Variants in NT5DC4 observed in about 807,000 individuals in gnomAD.
NT5DC4 encodes 5'-nucleotidase domain-containing protein 4.
In NT5DC4, 44 loss-of-function variants were observed where a neutral mutation model predicts 26.6. That is an observed-to-expected ratio of 1.65 (90% confidence interval 1.30 to 2.13). The LOEUF (loss-of-function observed/expected upper bound fraction) is 2.13, where lower values mean the gene tolerates loss of function less well. Among genes scored for constraint, NT5DC4 ranks in the 30% most tolerant of loss-of-function variants. The probability of loss-of-function intolerance (pLI) is 0.00; values close to 1 mark genes in which losing one functional copy is unlikely to be tolerated. For synonymous variants in NT5DC4, 157 were observed against 86.7 expected (o/e 1.81, Z -4.51); for missense variants, 399 against 228.1 (o/e 1.75, Z -4.83).
chr2:112,731,065 C>T (rs1678430576), intron 16 of NT5DC4: 1 of 152,036 alleles, frequency 6.6e-6, no homozygotes, highest in African/African-American at 2.4e-5. Flanking sequence ...TAGTCACTTT[C>T]TGTGTTTCTT....
intron 15 of NT5DC4, chr2:112,726,956 C>G: frequency 1.7e-6 from 1 of 585,246 alleles, no homozygotes; most frequent in Non-Finnish European, 3.1e-6. Flanking sequence ...TGAGTTGAGC[C>G]TGATTTGCAG....
chr2:112,724,144 G>A lies in NT5DC4; in HGVS notation c.789+18G>A. 1.4e-6 allele frequency: 1 copy of A among 716,838 alleles called. No homozygotes were observed. The highest frequency in any genetic ancestry group is 2.6e-6 in the Non-Finnish European group (1 of 384,928). The allele number at this position is 716,838 out of a possible 1,614,324, so 44.4% of individuals were successfully genotyped here. A position where few individuals can be genotyped will look rare whatever the true frequency, so the allele number is the denominator to read the frequency against. ...TCAGTGAGGTGAGTGTTGGAGTGTT[G>A]CGTGCACGGCTGGGGTGGGCTGTGC... On this transcript the variant is annotated intron_variant, in intron 10 of 16. Transcript: ENST00000688554.
chr2:112,721,355 C>T, intron 1 of NT5DC4: 1 of 658,220 alleles, frequency 1.5e-6, no homozygotes, highest in Admixed American at 2.1e-5. Context: ...GGCGGGAGGT[C>T]CTCTTCACTT....
rs567050604 is a variant in NT5DC4 at position 112,729,488 on chromosome 2, G to A, written c.1267-139G>A. On this transcript the variant is annotated intron_variant, in intron 15 of 16. Coordinates refer to ENST00000688554, the MANE Select transcript of NT5DC4 (RefSeq NM_001393655.1). The stretch of plus-strand genomic sequence containing the variant: ...ACCTTCCTGCCCCTGCTGACCTTCC[G>A]AGGTTCCTTCCTCTGCAGCAACATC... 2.3e-4 allele frequency: 144 copies of A among 634,232 alleles called. No homozygotes were observed. In the South Asian group the frequency reaches 2.3e-3, roughly 10 times the overall value. The allele number at this position is 634,232 out of a possible 1,614,324, so 39.3% of individuals were successfully genotyped here. A position where few individuals can be genotyped will look rare whatever the true frequency, so the allele number is the denominator to read the frequency against.
downstream of NT5DC4, among the ~76,000 whole-genome samples, chr2:112,741,248 G>A (rs1432592732): frequency 1.3e-5 from 2 of 151,966 alleles, no homozygotes; most frequent in Non-Finnish European, 2.9e-5. Flanking sequence ...GCTGTACGTA[G>A]ATTCTTGACA....
intron 15 of NT5DC4, 37 bp from the exon 16 acceptor site, chr2:112,729,590 C>T (rs752923786): frequency 4.2e-5 from 30 of 717,248 alleles, no homozygotes; most frequent in Middle Eastern, 2.3e-4. Context: ...GTACCCGGGA[C>T]GGAGTGCTTC....
At chr2:112,720,942 G>C (rs72950349), upstream of NT5DC4, among the ~76,000 whole-genome samples, 2,934 of 152,350 alleles carry the variant, frequency 0.019, 90 homozygotes, top group African/African-American at 0.067. Context: ...GGGCTCGGGG[G>C]AGATGGGAGC....
chr2:112,740,016 G>A (rs1003637846), downstream of NT5DC4, among the ~76,000 whole-genome samples: 9 of 152,078 alleles, frequency 5.9e-5, no homozygotes, highest in Non-Finnish European at 1.3e-4. Flanking sequence ...GTGCAATGGT[G>A]CAATCTTGGC....
chr2:112,726,556 G>A, intron 14 of NT5DC4, 122 bp from the exon 15 acceptor site: 1 of 698,166 alleles, frequency 1.4e-6, no homozygotes, highest in Non-Finnish European at 2.7e-6. Flanking sequence ...ACCCAGCCCG[G>A]CACCCCCACT....
At chr2:112,722,348 A>G in intron 4 of NT5DC4, 70 bp downstream of exon 4, 1 of 707,504 alleles carries the variant, frequency 1.4e-6, no homozygotes, top group South Asian at 1.5e-5. Flanking sequence ...GGGAGGACAG[A>G]GGGAGGGAGG....
At chr2:112,734,169 A>ATATGTGTGTGTGTGTGTGTGTGTGTG (rs150412692) in intron 16 of NT5DC4, among the ~76,000 whole-genome samples, 35 of 134,862 alleles carry the variant, frequency 2.6e-4, no homozygotes, top group African/African-American at 5.7e-4. Flanking sequence ...TATTATATAT[A>ATATGTGTGTGTGTGTGTGTGTGTGTG]TGTGTGTGTG....
intron 16 of NT5DC4, among the ~76,000 whole-genome samples, chr2:112,734,169 A>ATATGTGTGTGTGTGTG (rs150412692): frequency 0.014 from 1,882 of 134,814 alleles, 19 homozygotes; most frequent in African/African-American, 0.023. Context: ...TATTATATAT[A>ATATGTGTGTGTGTGTG]TGTGTGTGTG....
rs1300545026 is a variant in NT5DC4, at chr2:112,721,984, A to C, written c.149-2A>C. ...GCCCTGATTCTGTCCGGGCCTCTGCAGCCTACAAGTCCCCAGCTTATGAGG... is the reference window on the plus strand; with the variant it reads ...GCCCTGATTCTGTCCGGGCCTCTGCCGCCTACAAGTCCCCAGCTTATGAGG... On this transcript the variant is annotated splice_acceptor_variant, in intron 2 of 16. Coordinates refer to ENST00000688554, the MANE Select transcript of NT5DC4 (RefSeq NM_001393655.1). LOFTEE classifies it high-confidence loss of function. The C allele has an allele frequency of 1.4e-6, 1 of 717,278 alleles. No individual in the cohort carries two copies. Among genetic ancestry groups the C allele is most frequent in the East Asian group, 2.7e-5 (1 of 37,288 alleles). 44.4% of individuals were successfully genotyped at this position (717,278 alleles called of 1,614,324 possible). A position where few individuals can be genotyped will look rare whatever the true frequency, so the allele number is the denominator to read the frequency against.
chr2:112,738,271 C>T (rs1679513543), intron 16 of NT5DC4: 2 of 152,558 alleles, frequency 1.3e-5, no homozygotes, highest in African/African-American at 4.8e-5. Flanking sequence ...AATTCTCTCT[C>T]ATTTACAAGG....
intron 11 of NT5DC4, 97 bp from the exon 12 acceptor site, chr2:112,725,077 T>A (rs1677522821): frequency 1.5e-6 from 1 of 657,396 alleles, no homozygotes; most frequent in African/African-American, 1.8e-5. Flanking sequence ...ACACCCCCCA[T>A]GGTTACCTCT....
At position 112,723,394 on chromosome 2, in the gene NT5DC4, C is replaced by CACACACACACACACACACAG. The variant is rs752115339; in HGVS notation, c.622-23_622-22insCACACACACACACACACAGA. ...ACACACACACACACACACACACACACAGGCACTTTGCTCCCTCCTGCAGGG... is the reference window on the plus strand; with the variant it reads ...ACACACACACACACACACACACACACACACACACACACACACACAGAGGCACTTTGCTCCCTCCTGCAGGG... On this transcript the variant is annotated intron_variant, in intron 7 of 16. Transcript: ENST00000688554. The CACACACACACACACACACAG allele has an allele frequency of 2.6e-4, 185 of 716,092 alleles. 1 individual carries two copies. In the African/African-American group the frequency reaches 3.0e-3, roughly 12 times the overall value. The allele number at this position is 716,092 out of a possible 1,614,324, so 44.4% of individuals were successfully genotyped here. A position where few individuals can be genotyped will look rare whatever the true frequency, so the allele number is the denominator to read the frequency against.
chr2:112,721,066 C>T lies in NT5DC4; in HGVS notation c.-14C>T, dbSNP rs1267224546. On this transcript the variant is annotated 5_prime_UTR_variant, in exon 1 of 17. Transcript: ENST00000688554. ...GAGGAAGGGACACTTGCCTCCTCCT[C>T]ACTCTGGGTGACGATGGCCAGTGTA... Among the ~76,000 whole-genome samples the T allele has an allele frequency of 6.6e-6, 1 of 152,160 alleles. No individual in the cohort carries two copies. The highest frequency in any genetic ancestry group is 2.4e-5 in the African/African-American group (1 of 41,440).
chr2:112,731,250 T>C (rs1678453693), intron 16 of NT5DC4: 1 of 151,876 alleles, frequency 6.6e-6, no homozygotes, highest in African/African-American at 2.4e-5. Flanking sequence ...TGCAGCAGAT[T>C]TGGAGCCTGC....
chr2:112,724,387 G>T, intron 10 of NT5DC4: 1 of 590,464 alleles, frequency 1.7e-6, no homozygotes, highest in Non-Finnish European at 3.0e-6. Flanking sequence ...AAGTGGGTGA[G>T]ACGAGGGCAT....
Sources: allele counts gnomAD v4.1 joint callset (sites outside exome capture counted in the v4.1 genomes callset), GRCh38; gene constraint gnomAD v4.1.1; transcripts MANE v1.5; gene names NCBI Gene and HGNC (gene_info 2026-07-23, HGNC 2026-07-21).